BBS4: variants seen among roughly 807,000 people sequenced by gnomAD.
BBS4 encodes BBSome complex member BBS4.
Under a neutral mutation model 71.4 loss-of-function variants are expected in BBS4, and 58 were observed. The observed-to-expected ratio is 0.81, with a 90% CI of 0.66 to 1.01. The LOEUF (loss-of-function observed/expected upper bound fraction) is 1.01, where lower values mean the gene tolerates loss of function less well. Ranked by LOEUF, BBS4 falls within the 50% of genes least tolerant of loss-of-function variation. The pLI is 0.00. For synonymous variants in BBS4, 228 were observed against 216.8 expected, an observed-to-expected ratio of 1.05 and a Z score of -0.46; for missense variants, 660 against 607.9, an observed-to-expected ratio of 1.09 and a Z score of -0.90.
At chr15:72,702,434 AC>A (rs1346123114) in intron 2 of BBS4, among the ~76,000 whole-genome samples, 1 of 152,106 alleles carries the variant, frequency 6.6e-6, no homozygotes, top group African/African-American at 2.4e-5. Context: ...AGAGAGAAAA[AC>A]TTTGAGATAC....
At position 72,738,024 on chromosome 15, in the gene BBS4, G is replaced by A; in HGVS notation, c.*437G>A. On this transcript the variant is annotated 3_prime_UTR_variant, in exon 16 of 16. Coordinates refer to ENST00000268057, the MANE Select transcript of BBS4 (RefSeq NM_033028.5). ...TTAACTGAGGTGATCCTCAGGTTGT[G>A]AGGTTTATTAGTCCCCAAGGCAAAC... is the stretch of plus-strand genomic sequence containing the variant. 2.2e-6 allele frequency: 1 copy of A among 454,192 alleles called. No homozygotes were observed. The highest frequency in any genetic ancestry group is 4.4e-6 in the Non-Finnish European group (1 of 226,842). The allele number at this position is 454,192 out of a possible 1,614,324, so 28.1% of individuals were successfully genotyped here. A position where few individuals can be genotyped will look rare whatever the true frequency, so the allele number is the denominator to read the frequency against.
chr15:72,718,634 C>A (rs1312914689), intron 6 of BBS4, among the ~76,000 whole-genome samples: 1 of 152,178 alleles, frequency 6.6e-6, no homozygotes, highest in Non-Finnish European at 1.5e-5. Context: ...CAGAGTGAAA[C>A]TACAGATGAA....
chr15:72,716,049 C>T (rs1458984995), intron 5 of BBS4, among the ~76,000 whole-genome samples: 6 of 151,992 alleles, frequency 3.9e-5, no homozygotes, highest in African/African-American at 1.4e-4. Flanking sequence ...GTGTTCTGAG[C>T]ATGCTTAAGA....
chr15:72,707,671 T>A (rs1017398265), intron 2 of BBS4, among the ~76,000 whole-genome samples: 8 of 152,192 alleles, frequency 5.3e-5, no homozygotes, highest in Non-Finnish European at 8.8e-5. Flanking sequence ...ATTCTGTTCT[T>A]CCCTCTTCCT....
At chr15:72,723,887 A>G (rs1225136750) in intron 7 of BBS4, among the ~76,000 whole-genome samples, 1 of 152,208 alleles carries the variant, frequency 6.6e-6, no homozygotes, top group African/African-American at 2.4e-5. Context: ...TGTGCTGAGA[A>G]GAAATATATT....
chr15:72,700,432 G>C (rs1012683387), intron 2 of BBS4, among the ~76,000 whole-genome samples: 1 of 152,126 alleles, frequency 6.6e-6, no homozygotes, highest in African/African-American at 2.4e-5. Flanking sequence ...ATTCTGTTTG[G>C]CTACATTCTT....
Position 72,736,767 on chromosome 15 carries a change from G to C in BBS4, c.1254G>C (p.Val418=), listed in dbSNP as rs1040737808. 1.9e-6 allele frequency: 3 copies of C among 1,614,070 alleles called. No homozygotes were observed. The highest frequency in any genetic ancestry group is 2.5e-6 in the Non-Finnish European group (3 of 1,180,046). ...NSSLEFDSEM[V]EMAQKLGAAL... ...ACTTCCTTTGTGGACACAAGATGGT[G>C]GAGATGGCTCAGAAGTTGGGAGCTG... The change falls in exon 15 of 16, where the codon GTG becomes GTC. Residue 418 remains valine (V), a synonymous_variant. Coordinates refer to ENST00000268057, the MANE Select transcript of BBS4 (RefSeq NM_033028.5).
chr15:72,715,892 G>A (rs925191745), intron 5 of BBS4, among the ~76,000 whole-genome samples: 12 of 152,190 alleles, frequency 7.9e-5, no homozygotes, highest in African/African-American at 2.4e-4. Context: ...CAGCCATTCC[G>A]TTTTTCATTT....
At chr15:72,687,508 G>T (rs989295464) in intron 1 of BBS4, among the ~76,000 whole-genome samples, 5 of 151,872 alleles carry the variant, frequency 3.3e-5, no homozygotes, top group Admixed American at 6.6e-5. Flanking sequence ...GAAGGCTGAG[G>T]CAGGAGAATC....
intron 12 of BBS4, among the ~76,000 whole-genome samples, chr15:72,732,727 GAGA>G (rs2065849103): frequency 1.3e-5 from 2 of 152,210 alleles, no homozygotes; most frequent in African/African-American, 4.8e-5. Context: ...TACAATTCCT[GAGA>G]AGGAGGGCAT....
chr15:72,686,399 C>T (rs1293709910), intron 1 of BBS4, 148 bp downstream of exon 1: 1 of 1,535,774 alleles, frequency 6.5e-7, no homozygotes, highest in African/African-American at 1.4e-5. Flanking sequence ...CCCCTTTTTA[C>T]TGTCCCGGGA....
At chr15:72,728,606 G>A (rs1254513900) in intron 9 of BBS4, among the ~76,000 whole-genome samples, 3 of 152,174 alleles carry the variant, frequency 2.0e-5, no homozygotes, top group Non-Finnish European at 1.5e-5. Flanking sequence ...ATACAAGTGA[G>A]CACTTAGGGC....
chr15:72,709,583 C>T (rs928126481), intron 2 of BBS4, 117 bp from the exon 3 acceptor site: 12 of 779,186 alleles, frequency 1.5e-5, no homozygotes, highest in Non-Finnish European at 2.7e-5. Flanking sequence ...TAGTCAGTAG[C>T]ATCAAAATTT....
intron 14 of BBS4, 45 bp downstream of exon 14, chr15:72,736,011 G>C (rs769714904): frequency 6.2e-7 from 1 of 1,611,606 alleles, no homozygotes; most frequent in South Asian, 1.1e-5. Flanking sequence ...AAGCTCTCAG[G>C]AGACTTTTAA....
chr15:72,733,194 C>G (rs1347129505), intron 12 of BBS4, among the ~76,000 whole-genome samples: 1 of 152,114 alleles, frequency 6.6e-6, no homozygotes, highest in African/African-American at 2.4e-5. Flanking sequence ...ATGGTACATA[C>G]CTGTAGTGCT....
chr15:72,723,540 C>T (rs1245506873), intron 7 of BBS4, among the ~76,000 whole-genome samples: 4 of 152,080 alleles, frequency 2.6e-5, no homozygotes, highest in Non-Finnish European at 4.4e-5. Flanking sequence ...CTCCTTTCTC[C>T]GATGCCACCA....
At position 72,715,229 on chromosome 15, in the gene BBS4, C is replaced by T. The variant is rs938716505; in HGVS notation, c.221-62C>T. On this transcript the variant is annotated intron_variant, in intron 4 of 15. Transcript: ENST00000268057. Reference sequence around the variant, plus strand: ...TTTCTCTTCTCCAATTTTTCTGACCCCAGGCTCCATTCTTCCCAGAACATG... The same window carrying T: ...TTTCTCTTCTCCAATTTTTCTGACCTCAGGCTCCATTCTTCCCAGAACATG... The T allele has an allele frequency of 4.7e-6, 6 of 1,274,060 alleles. No individual in the cohort carries two copies. In the South Asian group the frequency reaches 4.8e-5, roughly 10 times the overall value. The allele number at this position is 1,274,060 out of a possible 1,614,324, so 78.9% of individuals were successfully genotyped here.
At chr15:72,720,800 G>A (rs1407296168) in intron 6 of BBS4, among the ~76,000 whole-genome samples, 1 of 152,182 alleles carries the variant, frequency 6.6e-6, no homozygotes, top group Non-Finnish European at 1.5e-5. Flanking sequence ...TGCCTTTGCA[G>A]GATGTCTGCT....
intron 1 of BBS4, chr15:72,686,551 C>A: frequency 6.8e-7 from 1 of 1,467,914 alleles, no homozygotes; most frequent in Non-Finnish European, 9.1e-7. Context: ...TTTTCTGTCT[C>A]GGGGGTTTGG....
Sources: allele counts gnomAD v4.1 joint callset (sites outside exome capture counted in the v4.1 genomes callset), GRCh38; gene constraint gnomAD v4.1.1; transcripts MANE v1.5; gene names NCBI Gene and HGNC (gene_info 2026-07-23, HGNC 2026-07-21).